The following MARCHF10 variants were observed in gnomAD, a reference collection of about 807,000 sequenced individuals.
MARCHF10 encodes probable E3 ubiquitin-protein ligase MARCHF10.
In MARCHF10, 64 loss-of-function variants were observed where a neutral mutation model predicts 76.2. The observed-to-expected ratio is 0.84, with a 90% CI of 0.69 to 1.03. MARCHF10 has a LOEUF of 1.03. MARCHF10 is among the 50% of genes least tolerant of loss of function. The pLI is 0.00. For missense variants in MARCHF10, 875 were observed against 958.0 expected (o/e 0.91, Z 1.14); for synonymous variants, 340 against 357.5 (o/e 0.95, Z 0.55).
At position 62,747,010 on chromosome 17, in the gene MARCHF10, T is replaced by TA. The variant is rs1396779805; in HGVS notation, c.383-2483dup. On this transcript the variant is annotated intron_variant, in intron 4 of 10. Transcript: ENST00000311269. ...AAAAAACCCTTACTTTCAGCGTTTT[T>TA]AAAAAATGGCCTTTAGTGTTTAAAT... 5 of 1,479,354 alleles carry TA rather than the reference T, an allele frequency of 3.4e-6. No homozygotes were observed. The African/African-American group carries it at 7.0e-5, about 21-fold the overall frequency. 91.6% of individuals were successfully genotyped at this position (1,479,354 alleles called of 1,614,324 possible).
intron 3 of MARCHF10, among the ~76,000 whole-genome samples, chr17:62,770,454 C>T (rs1197769864): frequency 6.6e-6 from 1 of 152,072 alleles, no homozygotes; most frequent in Non-Finnish European, 1.5e-5. Context: ...AACTGCTTTC[C>T]ACAGTGGCTG....
At chr17:62,748,703 C>T (rs1029924047) in intron 4 of MARCHF10, among the ~76,000 whole-genome samples, 4 of 152,172 alleles carry the variant, frequency 2.6e-5, no homozygotes, top group African/African-American at 4.8e-5. Context: ...TGTGTTTGCA[C>T]CACTGCACTC....
chr17:62,801,606 CAA>C (rs2093074772), intron 2 of MARCHF10, 38 bp downstream of exon 2: 3 of 1,519,668 alleles, frequency 2.0e-6, no homozygotes, highest in Non-Finnish European at 1.8e-6. Context: ...CTAAATACTG[CAA>C]GAGAAGGCAG....
chr17:62,747,832 A>C (rs1366021084), intron 4 of MARCHF10, among the ~76,000 whole-genome samples: 2 of 152,318 alleles, frequency 1.3e-5, no homozygotes, highest in East Asian at 3.9e-4. Context: ...CAAAAGGCAA[A>C]TAGCAACTCT....
Position 62,706,683 on chromosome 17 carries a change from C to T in MARCHF10, c.2329-1102G>A, listed in dbSNP as rs184874848. Among the ~76,000 whole-genome samples, 19 of 152,286 alleles carry T rather than the reference C, an allele frequency of 1.2e-4. No homozygotes were observed. The East Asian group carries it at 3.7e-3, about 29-fold the overall frequency. On this transcript the variant is annotated intron_variant, in intron 9 of 10. Coordinates refer to ENST00000311269, the MANE Select transcript of MARCHF10 (RefSeq NM_152598.4). Reference sequence around the variant, plus strand: ...CCTGCCCCTCCGGCCAGCCCCGGGGCTCCCTTCCCCTGCACCTAGCCTGAA... The same window carrying T: ...CCTGCCCCTCCGGCCAGCCCCGGGGTTCCCTTCCCCTGCACCTAGCCTGAA...
intron 10 of MARCHF10, 114 bp downstream of exon 10, chr17:62,705,422 TTTG>T: frequency 6.3e-7 from 1 of 1,587,358 alleles, no homozygotes; most frequent in South Asian, 1.1e-5. Context: ...CGGGGTTATT[TTTG>T]CCTCTGGGTG....
chr17:62,795,931 A>T (rs2092976935), intron 2 of MARCHF10, among the ~76,000 whole-genome samples: 1 of 152,088 alleles, frequency 6.6e-6, no homozygotes, highest in Non-Finnish European at 1.5e-5. Context: ...CAAAGTCACC[A>T]TAGCCAATTA....
At chr17:62,770,155 C>T (rs1041097614) in intron 3 of MARCHF10, among the ~76,000 whole-genome samples, 2 of 152,202 alleles carry the variant, frequency 1.3e-5, no homozygotes, top group Admixed American at 1.3e-4. Flanking sequence ...TCCCTTAGGA[C>T]TATGGCCTCC....
At chr17:62,754,221 T>C (rs1321857267) in intron 4 of MARCHF10, among the ~76,000 whole-genome samples, 2 of 152,096 alleles carry the variant, frequency 1.3e-5, no homozygotes, top group African/African-American at 2.4e-5. Context: ...TACAGGCATA[T>C]GCCACCACAC....
At chr17:62,793,663 AACCACCACCACCTCCATC>A (rs1200016507) in intron 2 of MARCHF10, among the ~76,000 whole-genome samples, 1 of 81,022 alleles carries the variant, frequency 1.2e-5, no homozygotes, top group East Asian at 4.0e-4. Context: ...CACCTCCATC[AACCACCACCACCTCCATC>A]ACCACCACCA....
chr17:62,793,183 A>G (rs1206352975), intron 2 of MARCHF10, among the ~76,000 whole-genome samples: 1 of 128,072 alleles, frequency 7.8e-6, no homozygotes, highest in African/African-American at 2.9e-5. Flanking sequence ...CATCACTACC[A>G]CCACCACCTC....
At chr17:62,701,806 G>C (rs367733917) in intron 10 of MARCHF10, 48 bp from the exon 11 acceptor site, 19 of 1,612,098 alleles carry the variant, frequency 1.2e-5, no homozygotes, top group Middle Eastern at 1.7e-4. Context: ...AGCAGACCGT[G>C]GGTCTGTTAC....
chr17:62,779,680 C>T (rs1159657780), intron 3 of MARCHF10, among the ~76,000 whole-genome samples: 4 of 152,208 alleles, frequency 2.6e-5, no homozygotes, highest in Non-Finnish European at 5.9e-5. Context: ...TTCTGGGAAA[C>T]AAAACCCTTC....
intron 10 of MARCHF10, among the ~76,000 whole-genome samples, chr17:62,702,960 T>C (rs2089338747): frequency 6.6e-6 from 1 of 152,120 alleles, no homozygotes; most frequent in Middle Eastern, 3.2e-3. Flanking sequence ...TCCTCATCTG[T>C]TTGCATATCT....
In MARCHF10 at chr17:62,747,406, A is replaced by G. The variant is rs958158534; in HGVS notation, c.383-2878T>C. On this transcript the variant is annotated intron_variant, in intron 4 of 10. Transcript: ENST00000311269. Reference sequence around the variant, plus strand: ...TGTGTCCTCTAATCAAGTTCTCAGCAAACTAAAATAATAAAGCTGAACAAC... The same window carrying G: ...TGTGTCCTCTAATCAAGTTCTCAGCGAACTAAAATAATAAAGCTGAACAAC... Among the ~76,000 whole-genome samples, 3 of 152,350 alleles carry G rather than the reference A, an allele frequency of 2.0e-5. No homozygotes were observed. The East Asian group carries it at 5.8e-4, about 29-fold the overall frequency.
chr17:62,784,533 G>A (rs1310103665), intron 3 of MARCHF10, among the ~76,000 whole-genome samples: 1 of 152,124 alleles, frequency 6.6e-6, no homozygotes, highest in Non-Finnish European at 1.5e-5. Flanking sequence ...GGGCAATCAG[G>A]CAAGAGAAAG....
At chr17:62,788,140 G>A (rs1156356342) in intron 3 of MARCHF10, among the ~76,000 whole-genome samples, 1 of 152,110 alleles carries the variant, frequency 6.6e-6, no homozygotes, top group Non-Finnish European at 1.5e-5. Context: ...GCTTAAGAAG[G>A]CCCAGTGCCT....
chr17:62,726,804 T>A (rs1028453565), intron 6 of MARCHF10, among the ~76,000 whole-genome samples: 2 of 152,146 alleles, frequency 1.3e-5, no homozygotes, highest in African/African-American at 4.8e-5. Context: ...AATTTTTGTA[T>A]TTTTAGTAGA....
At position 62,710,859 on chromosome 17, in the gene MARCHF10, C is replaced by T. The variant is rs117647814; in HGVS notation, c.2328+372G>A. 5.2e-3 allele frequency among the ~76,000 whole-genome samples: 798 copies of T among 152,280 alleles called. 13 individuals carry two copies. Among genetic ancestry groups the T allele is most frequent in the Admixed American group, 0.026 (393 of 15,296 alleles). On this transcript the variant is annotated intron_variant, in intron 9 of 10. Transcript: ENST00000311269. ...TACAGGCATGAGCCATCACACCCAG[C>T]CAGGTTCCTCTTTTTCGCAGGTCCT...
Sources: gnomAD v4.1 joint callset for allele counts (sites outside exome capture counted in the v4.1 genomes callset) on GRCh38, gnomAD v4.1.1 for gene constraint, MANE v1.5 for transcripts, NCBI Gene and HGNC (gene_info 2026-07-23, HGNC 2026-07-21) for gene names.